Variants in MPPED2 observed in about 807,000 individuals in gnomAD.
The protein encoded by MPPED2 is metallophosphoesterase domain containing 2.
Under a neutral mutation model 33.0 loss-of-function variants are expected in MPPED2, and 5 were observed. The observed-to-expected ratio is 0.15, with a 90% CI of 0.08 to 0.32. The LOEUF (loss-of-function observed/expected upper bound fraction) is 0.32, where lower values mean the gene tolerates loss of function less well. Among genes scored for constraint, MPPED2 ranks in the 10% least tolerant of loss-of-function variants. The pLI is 1.00. For synonymous variants in MPPED2, 136 were observed against 141.9 expected, an observed-to-expected ratio of 0.96 and a Z score of 0.29; for missense variants, 275 against 372.1, an observed-to-expected ratio of 0.74 and a Z score of 2.15.
At chr11:30,532,329 C>T (rs1031787154) in intron 3 of MPPED2, among the ~76,000 whole-genome samples, 11 of 152,214 alleles carry the variant, frequency 7.2e-5, no homozygotes, top group African/African-American at 2.4e-4. Context: ...CCTTCAAGGT[C>T]TCTTCCTGTC....
chr11:30,522,443 G>A (rs529520180), intron 3 of MPPED2, among the ~76,000 whole-genome samples: 70 of 150,724 alleles, frequency 4.6e-4, no homozygotes, highest in Non-Finnish European at 8.7e-4. Context: ...GAATAATAAA[G>A]CAAATGTAGC....
rs762295567 is a variant in MPPED2, at chr11:30,580,339, G to T, written c.35C>A (p.Thr12Asn). ...TGAGCTGTACTCATCCACCGTTATGGTAACTTTGCCTTGAGAAGGAATCCC... is the reference window on the plus strand; with the variant it reads ...TGAGCTGTACTCATCCACCGTTATGTTAACTTTGCCTTGAGAAGGAATCCC... The part of the protein sequence containing the change: ...AHGIPSQGKV[T>N]ITVDEYSSNP... The change falls in exon 2 of 7, where the codon ACC (threonine) becomes AAC (asparagine). Residue 12 changes from threonine to asparagine, a missense_variant. Physicochemically the swap from Thr to Asn is moderately conservative, Grantham distance 65. Coordinates refer to ENST00000358117, the MANE Select transcript of MPPED2 (RefSeq NM_001584.3). 210 of 1,613,898 alleles carry T rather than the reference G, an allele frequency of 1.3e-4. No individual in the cohort carries two copies. The highest frequency in any genetic ancestry group is 1.7e-4 in the Non-Finnish European group (200 of 1,179,990).
At chr11:30,533,848 C>T (rs571391999) in intron 3 of MPPED2, among the ~76,000 whole-genome samples, 2 of 152,248 alleles carry the variant, frequency 1.3e-5, no homozygotes, top group Admixed American at 1.3e-4. Context: ...ATTGTATTTC[C>T]TTAGTTATGA....
rs185660271 is a variant in MPPED2, at chr11:30,522,873, C to T, written c.310+13121G>A. On this transcript the variant is annotated intron_variant, in intron 3 of 6. Coordinates refer to ENST00000358117, the MANE Select transcript of MPPED2 (RefSeq NM_001584.3). ...TTTCATTTCCTCCCCCTGCACATAA[C>T]GCCACATTGACAGCAAGGTCAGTTA... is the stretch of plus-strand genomic sequence containing the variant. Among the ~76,000 whole-genome samples, 171 of 152,252 alleles carry T rather than the reference C, an allele frequency of 1.1e-3. 3 individuals are homozygous for T. The highest frequency in any genetic ancestry group is 2.9e-4 in the Non-Finnish European group (20 of 68,022).
intron 3 of MPPED2, among the ~76,000 whole-genome samples, chr11:30,512,792 G>A (rs1187307450): frequency 6.6e-6 from 1 of 152,160 alleles, no homozygotes; most frequent in African/African-American, 2.4e-5. Flanking sequence ...CCCAAGGTCA[G>A]GAGTTCAAGA....
chr11:30,435,864 T>C (rs974320893), intron 4 of MPPED2, among the ~76,000 whole-genome samples: 1 of 152,068 alleles, frequency 6.6e-6, no homozygotes, highest in African/African-American at 2.4e-5. Flanking sequence ...CTCATGTTTT[T>C]TTCCCCCTAA....
intron 4 of MPPED2, among the ~76,000 whole-genome samples, chr11:30,487,410 G>A (rs901983753): frequency 1.2e-4 from 18 of 152,200 alleles, no homozygotes; most frequent in African/African-American, 4.3e-4. Flanking sequence ...CTCCTGATAT[G>A]TGTTGTGGAG....
At chr11:30,452,268 T>C (rs1950095516) in intron 4 of MPPED2, among the ~76,000 whole-genome samples, 1 of 152,180 alleles carries the variant, frequency 6.6e-6, no homozygotes, top group Non-Finnish European at 1.5e-5. Flanking sequence ...ACCTTGATCT[T>C]GTTTCCTGTT....
At chr11:30,575,881 C>T (rs1406141860) in intron 2 of MPPED2, among the ~76,000 whole-genome samples, 1 of 152,272 alleles carries the variant, frequency 6.6e-6, no homozygotes, top group Non-Finnish European at 1.5e-5. Flanking sequence ...CCCTGACAAA[C>T]CAAAATCCCA....
At chr11:30,538,405 G>T (rs1468144607) in intron 2 of MPPED2, among the ~76,000 whole-genome samples, 1 of 152,104 alleles carries the variant, frequency 6.6e-6, no homozygotes, top group Non-Finnish European at 1.5e-5. Context: ...GTTGTAAATA[G>T]TTCCCTGTTC....
At chr11:30,486,929 C>G (rs1951769295) in intron 4 of MPPED2, among the ~76,000 whole-genome samples, 1 of 152,160 alleles carries the variant, frequency 6.6e-6, no homozygotes, top group South Asian at 2.1e-4. Context: ...TTCCTTTTGT[C>G]ACTGGGTGTC....
chr11:30,394,312 T>A (rs1446693385), intron 6 of MPPED2, among the ~76,000 whole-genome samples: 1 of 152,232 alleles, frequency 6.6e-6, no homozygotes, highest in African/African-American at 2.4e-5. Context: ...CTAGATCATC[T>A]GTAAATGTAT....
chr11:30,525,386 T>C (rs1954109062), intron 3 of MPPED2, among the ~76,000 whole-genome samples: 1 of 152,204 alleles, frequency 6.6e-6, no homozygotes, highest in African/African-American at 2.4e-5. Flanking sequence ...TTGAGAACTT[T>C]TTTGTTTTCA....
chr11:30,543,012 G>A (rs972086671), intron 2 of MPPED2, among the ~76,000 whole-genome samples: 1 of 152,144 alleles, frequency 6.6e-6, no homozygotes, highest in Non-Finnish European at 1.5e-5. Context: ...CCAAGTTTTA[G>A]TGCTCTCTAT....
chr11:30,506,926 G>A (rs531809538), intron 3 of MPPED2, among the ~76,000 whole-genome samples: 40 of 152,312 alleles, frequency 2.6e-4, no homozygotes, highest in African/African-American at 7.9e-4. Context: ...AAATCTCTGC[G>A]TTAACAGCGC....
chr11:30,532,748 T>C (rs1954596921), intron 3 of MPPED2, among the ~76,000 whole-genome samples: 1 of 152,212 alleles, frequency 6.6e-6, no homozygotes, highest in African/African-American at 2.4e-5. Context: ...CCTGTAGTGA[T>C]ATCTGGTTTG....
chr11:30,391,096 C>T (rs1178869052), intron 6 of MPPED2, among the ~76,000 whole-genome samples: 2 of 152,110 alleles, frequency 1.3e-5, no homozygotes, highest in African/African-American at 2.4e-5. Flanking sequence ...CACAACCAGG[C>T]CACAGATAGA....
At chr11:30,452,230 A>C in intron 4 of MPPED2, 1 of 291,780 alleles carries the variant, frequency 3.4e-6, no homozygotes, top group Non-Finnish European at 5.1e-6. Context: ...ACTGACCCCT[A>C]TGTGCCCTTT....
At chr11:30,554,168 T>A (rs750393272) in intron 2 of MPPED2, among the ~76,000 whole-genome samples, 11 of 152,030 alleles carry the variant, frequency 7.2e-5, no homozygotes, top group Non-Finnish European at 1.5e-4. Flanking sequence ...CCGTGGCAAC[T>A]TTATGCCCAT....
Sources: gnomAD v4.1 joint callset for allele counts (sites outside exome capture counted in the v4.1 genomes callset) on GRCh38, gnomAD v4.1.1 for gene constraint, MANE v1.5 for transcripts, NCBI Gene and HGNC (gene_info 2026-07-23, HGNC 2026-07-21) for gene names.